The following RAPGEF2 variants were observed in gnomAD, a reference collection of about 807,000 sequenced individuals.
RAPGEF2 encodes PDZ domain containing guanine nucleotide exchange factor (GEF) 1.
RAPGEF2 carries 54 observed loss-of-function variants against 186.7 expected under a neutral mutation model. That is an observed-to-expected ratio of 0.29 (90% CI 0.23 to 0.36). RAPGEF2 has a LOEUF of 0.36. Among genes scored for constraint, RAPGEF2 ranks in the 10% least tolerant of loss-of-function variants. The pLI, the probability that RAPGEF2 is intolerant of heterozygous loss-of-function variation, is 1.00. For synonymous variants in RAPGEF2, 712 were observed against 705.9 expected, an observed-to-expected ratio of 1.01 and a Z score of -0.14; for missense variants, 1,532 against 2,045.0, an observed-to-expected ratio of 0.75 and a Z score of 4.84.
rs142916706 is a variant in RAPGEF2, at chr4:159,256,352, T to C, written c.543+12561T>C. On this transcript the variant is annotated intron_variant, in intron 7 of 29. Transcript: ENST00000691494. Reference sequence around the variant, plus strand: ...CTGAGGATAATAGCTTCTAGCTCCATCCATGTCTCTGCAAAGGACATGATC... The same window carrying C: ...CTGAGGATAATAGCTTCTAGCTCCACCCATGTCTCTGCAAAGGACATGATC... Among the ~76,000 whole-genome samples the C allele has an allele frequency of 3.6e-3, 553 of 152,336 alleles. 3 individuals are homozygous for C. Among genetic ancestry groups the C allele is most frequent in the African/African-American group, 0.012 (493 of 41,574 alleles).
rs1188616219 is a variant in RAPGEF2 at position 159,332,016 on chromosome 4, G to A, written c.1870G>A (p.Val624Met). 34 of 1,590,690 alleles carry A rather than the reference G, an allele frequency of 2.1e-5. No individual in the cohort carries two copies. The highest frequency in any genetic ancestry group is 2.7e-5 in the Non-Finnish European group (31 of 1,168,188). The change falls in exon 16 of 30, where the codon GTG becomes ATG. Residue 624 changes from valine (V) to methionine (M), a missense_variant. By Grantham distance (21) the Val-to-Met change is conservative. Coordinates refer to ENST00000691494, the MANE Select transcript of RAPGEF2 (RefSeq NM_001394067.2). The part of the protein sequence containing the change: ...LRNNTHLSIT[V>M]KTNLFVFKEL... Reference sequence around the variant, plus strand: ...AAATAACACACATTTATCTATCACTGTGAAAACCAATTTATTTGGTAAGTA... The same window carrying A: ...AAATAACACACATTTATCTATCACTATGAAAACCAATTTATTTGGTAAGTA...
At chr4:159,283,578 A>T (rs1202550797) in intron 7 of RAPGEF2, among the ~76,000 whole-genome samples, 1 of 152,192 alleles carries the variant, frequency 6.6e-6, no homozygotes, top group Admixed American at 6.5e-5. Context: ...AGAGAAATGA[A>T]TTATCTAATG....
chr4:159,138,147 A>G (rs1010432688), intron 1 of RAPGEF2, among the ~76,000 whole-genome samples: 6 of 152,206 alleles, frequency 3.9e-5, no homozygotes, highest in African/African-American at 1.4e-4. Flanking sequence ...AGGTATCTCC[A>G]TAGAGATTTT....
Position 159,230,023 on chromosome 4 carries a change from C to T in RAPGEF2, c.282-8786C>T, listed in dbSNP as rs553699690. On this transcript the variant is annotated intron_variant, in intron 4 of 29. Transcript: ENST00000691494. Reference sequence around the variant, plus strand: ...AGATTTTAAGGACATGCTGAAATTACGTTGAGATTGAATTGTTGAAAGGCA... The same window carrying T: ...AGATTTTAAGGACATGCTGAAATTATGTTGAGATTGAATTGTTGAAAGGCA... 2.6e-5 allele frequency among the ~76,000 whole-genome samples: 4 copies of T among 152,146 alleles called. No homozygotes were observed. In the East Asian group the frequency reaches 7.7e-4, roughly 29 times the overall value.
rs1284857789 is a variant in RAPGEF2 at position 159,306,740 on chromosome 4, TC to T, written c.675+2268del. On this transcript the variant is annotated intron_variant, in intron 8 of 29. Coordinates refer to ENST00000691494, the MANE Select transcript of RAPGEF2 (RefSeq NM_001394067.2). ...GGGAATGCTTTCAACTTTTCCCTGT[TC>T]AGTAAGCTGTAGGTTTGTCTTATAT... 2.5e-4 allele frequency among the ~76,000 whole-genome samples: 38 copies of T among 152,144 alleles called. 1 individual carries two copies. Among genetic ancestry groups the T allele is most frequent in the Non-Finnish European group, 8.8e-5 (6 of 67,988 alleles).
chr4:159,333,980 T>C (rs900561428), intron 17 of RAPGEF2, among the ~76,000 whole-genome samples: 6 of 152,202 alleles, frequency 3.9e-5, no homozygotes, highest in Admixed American at 3.3e-4. Flanking sequence ...ATTTAAAATA[T>C]ACTATTGATT....
chr4:159,240,820 T>C (rs892467944), intron 5 of RAPGEF2, among the ~76,000 whole-genome samples: 30 of 150,852 alleles, frequency 2.0e-4, no homozygotes, highest in Non-Finnish European at 3.8e-4. Flanking sequence ...TTTTTTTTTT[T>C]TTTTTTCTTT....
At chr4:159,193,646 A>G (rs917126270) in intron 3 of RAPGEF2, among the ~76,000 whole-genome samples, 2 of 152,240 alleles carry the variant, frequency 1.3e-5, no homozygotes, top group Admixed American at 1.3e-4. Flanking sequence ...TCTTTCAGAA[A>G]CAGGAAAATA....
intron 4 of RAPGEF2, among the ~76,000 whole-genome samples, chr4:159,225,060 T>TA (rs1751886787): frequency 6.6e-6 from 1 of 152,136 alleles, no homozygotes; most frequent in South Asian, 2.1e-4. Flanking sequence ...ATTAATGCAT[T>TA]AACAAATAGG....
In RAPGEF2 at chr4:159,160,918, A is replaced by ACC. The variant is rs1398069702; in HGVS notation, c.70-25722_70-25721dup. Among the ~76,000 whole-genome samples, 5 of 152,288 alleles carry ACC rather than the reference A, an allele frequency of 3.3e-5. No homozygotes were observed. In the East Asian group the frequency reaches 9.6e-4, roughly 29 times the overall value. ...ATAGCTTTGTCTATATTACATTTTT[A>ACC]CCCTTCCATTTGAAACTAATTAGAA... is the stretch of plus-strand genomic sequence containing the variant. On this transcript the variant is annotated intron_variant, in intron 1 of 29. Coordinates refer to ENST00000691494, the MANE Select transcript of RAPGEF2 (RefSeq NM_001394067.2).
intron 2 of RAPGEF2, among the ~76,000 whole-genome samples, chr4:159,190,748 G>A (rs1218134457): frequency 6.6e-6 from 1 of 152,158 alleles, no homozygotes; most frequent in Non-Finnish European, 1.5e-5. Context: ...AAAACCATCA[G>A]ATCATTTAAG....
At position 159,241,204 on chromosome 4, in the gene RAPGEF2, G is replaced by A; in HGVS notation, c.361G>A (p.Asp121Asn). 6.6e-7 allele frequency: 1 copy of A among 1,512,218 alleles called. No homozygotes were observed. The highest frequency in any genetic ancestry group is 2.5e-5 in the East Asian group (1 of 40,492). 93.7% of individuals were successfully genotyped at this position (1,512,218 alleles called of 1,614,324 possible). A position where few individuals can be genotyped will look rare whatever the true frequency, so the allele number is the denominator to read the frequency against. ...ATTTTGGGGGGTTTTATTTCAGGTG[G>A]ACTATATGGATGAAAATGAAGAATA... Reference protein sequence around the residue: ...VLEPSEMIVVDYMDENEEYFQ... With the variant: ...VLEPSEMIVVNYMDENEEYFQ... The change falls in exon 6 of 30, where the codon GAC becomes AAC. Residue 121 changes from aspartate to asparagine, a missense_variant. Physicochemically the swap from Asp to Asn is conservative, Grantham distance 23. Around this residue, in one of 4 missense-constraint regions of RAPGEF2, gnomAD observed 810 missense variants for 1,210.5 expected, o/e 0.67. Transcript: ENST00000691494.
intron 1 of RAPGEF2, among the ~76,000 whole-genome samples, chr4:159,152,856 T>C (rs1030102593): frequency 6.6e-6 from 1 of 152,188 alleles, no homozygotes; most frequent in Non-Finnish European, 1.5e-5. Flanking sequence ...CCTGACCTCA[T>C]GATCCGCCCT....
intron 7 of RAPGEF2, among the ~76,000 whole-genome samples, chr4:159,288,129 C>G (rs563928022): frequency 2.6e-5 from 4 of 152,268 alleles, no homozygotes; most frequent in African/African-American, 7.2e-5. Context: ...CATGTATTCT[C>G]TCTATAATTT....
At chr4:159,131,519 A>ATTGTTTT in intron 1 of RAPGEF2, among the ~76,000 whole-genome samples, 54 of 37,168 alleles carry the variant, frequency 1.5e-3, no homozygotes, top group Non-Finnish European at 1.9e-3. Context: ...ATTAATTGCT[A>ATTGTTTT]TTTTTTTTTT....
chr4:159,159,643 C>G (rs529731522), intron 1 of RAPGEF2, among the ~76,000 whole-genome samples: 1 of 152,106 alleles, frequency 6.6e-6, no homozygotes, highest in Non-Finnish European at 1.5e-5. Context: ...ATCGTCTGAC[C>G]ACTGAAAAAT....
chr4:159,267,380 A>C, intron 7 of RAPGEF2: 1 of 1,229,946 alleles, frequency 8.1e-7, no homozygotes, highest in Non-Finnish European at 1.1e-6. Flanking sequence ...GTGTGTGTGC[A>C]TGTGCTGTGT....
intron 3 of RAPGEF2, among the ~76,000 whole-genome samples, chr4:159,205,476 C>G (rs1579458930): frequency 6.6e-6 from 1 of 152,122 alleles, no homozygotes; most frequent in Admixed American, 6.5e-5. Flanking sequence ...ACGTACCTAG[C>G]CTACTGAACA....
At chr4:159,127,623 T>G (rs1346998314) in intron 1 of RAPGEF2, among the ~76,000 whole-genome samples, 1 of 152,204 alleles carries the variant, frequency 6.6e-6, no homozygotes, top group African/African-American at 2.4e-5. Context: ...GCAGAATTCC[T>G]CAAAGGTTAA....
Sources: allele counts gnomAD v4.1 joint callset (sites outside exome capture counted in the v4.1 genomes callset), GRCh38; gene constraint gnomAD v4.1.1; regional missense constraint gnomAD v4.1.1; transcripts MANE v1.5; gene names NCBI Gene and HGNC (gene_info 2026-07-23, HGNC 2026-07-21).